The following RARB variants were observed in gnomAD, a reference collection of about 807,000 sequenced individuals.
RARB encodes retinoic acid receptor beta.
RARB carries 17 observed loss-of-function variants against 51.9 expected under a neutral mutation model. The observed-to-expected ratio is 0.33, with a 90% confidence interval of 0.22 to 0.49. The LOEUF (loss-of-function observed/expected upper bound fraction) is 0.49. Ranked by LOEUF, RARB falls within the 20% of genes least tolerant of loss-of-function variation. The pLI is 0.99. For missense variants in RARB, 369 were observed against 550.8 expected (o/e 0.67, Z 3.30); for synonymous variants, 215 against 195.4 (o/e 1.10, Z -0.84).
chr3:24,847,796 G>T (rs1477053150), intron 1 of RARB, among the ~76,000 whole-genome samples: 1 of 152,192 alleles, frequency 6.6e-6, no homozygotes, highest in East Asian at 1.9e-4. Flanking sequence ...GGTTGGAGCT[G>T]CAGAGTCTGC....
At chr3:25,500,454 GTTTTTTTTTTTTTTT>G (rs753321842) in intron 2 of RARB, among the ~76,000 whole-genome samples, 6 of 66,142 alleles carry the variant, frequency 9.1e-5, no homozygotes, top group South Asian at 6.9e-4. Flanking sequence ...TTCTTTTCTT[GTTTTTTTTTTTTTTT>G]TTTTTTTTTT....
chr3:25,288,001 C>T (rs1332709560), intron 5 of RARB, among the ~76,000 whole-genome samples: 1 of 151,958 alleles, frequency 6.6e-6, no homozygotes, highest in Non-Finnish European at 1.5e-5. Context: ...TTCCACAAAG[C>T]TGGTAGATTT....
At chr3:25,346,896 T>C (rs774478621) in intron 5 of RARB, among the ~76,000 whole-genome samples, 4 of 152,138 alleles carry the variant, frequency 2.6e-5, no homozygotes, top group Non-Finnish European at 5.9e-5. Context: ...GTGAGCAAAA[T>C]TGATATTAGG....
At chr3:25,330,301 C>T (rs1406340393) in intron 5 of RARB, among the ~76,000 whole-genome samples, 1 of 152,224 alleles carries the variant, frequency 6.6e-6, no homozygotes, top group African/African-American at 2.4e-5. Context: ...GCCCATCAGA[C>T]TAACAGCGGA....
At chr3:25,342,216 C>T (rs1705249645) in intron 5 of RARB, among the ~76,000 whole-genome samples, 1 of 152,152 alleles carries the variant, frequency 6.6e-6, no homozygotes, top group Non-Finnish European at 1.5e-5. Flanking sequence ...CATTTCAGTT[C>T]AAGAAAGTGA....
chr3:25,381,882 T>C (rs1418741015), intron 5 of RARB, among the ~76,000 whole-genome samples: 2 of 152,186 alleles, frequency 1.3e-5, no homozygotes, highest in African/African-American at 4.8e-5. Flanking sequence ...GAACTACCAC[T>C]GTGGTGTGGA....
chr3:25,546,342 G>A (rs1051916323), intron 3 of RARB, among the ~76,000 whole-genome samples: 2 of 152,140 alleles, frequency 1.3e-5, no homozygotes, highest in East Asian at 1.9e-4. Flanking sequence ...CTGCTCCGTC[G>A]AGCACAGACT....
intron 5 of RARB, among the ~76,000 whole-genome samples, chr3:25,362,836 G>C (rs1705991163): frequency 6.6e-6 from 1 of 152,276 alleles, no homozygotes; most frequent in Admixed American, 6.5e-5. Flanking sequence ...GATGAACCAG[G>C]TACCTCAGTT....
chr3:25,240,946 C>G (rs746307764), intron 5 of RARB, among the ~76,000 whole-genome samples: 1 of 152,066 alleles, frequency 6.6e-6, no homozygotes, highest in African/African-American at 2.4e-5. Context: ...GACAATGAAG[C>G]CATTTGGCCC....
chr3:24,928,164 G>C (rs17015482), intron 2 of RARB, among the ~76,000 whole-genome samples: 5,834 of 152,018 alleles, frequency 0.038, 222 homozygotes, highest in East Asian at 0.18. Flanking sequence ...TTGGAAGTCA[G>C]CAGGTATAAA....
At chr3:25,036,681 G>A (rs1020190121) in intron 2 of RARB, among the ~76,000 whole-genome samples, 4 of 152,138 alleles carry the variant, frequency 2.6e-5, no homozygotes, top group Non-Finnish European at 4.4e-5. Context: ...TGAGTGTGGT[G>A]CCAACAATCT....
At chr3:25,170,783 T>C (rs1489907576) in intron 4 of RARB, among the ~76,000 whole-genome samples, 1 of 152,134 alleles carries the variant, frequency 6.6e-6, no homozygotes, top group African/African-American at 2.4e-5. Flanking sequence ...AGAAAAATTA[T>C]ATACATATGT....
intron 5 of RARB, chr3:25,260,072 G>T (rs1702959852): frequency 1.2e-6 from 1 of 837,674 alleles, no homozygotes; most frequent in South Asian, 5.5e-5. Context: ...GGTTTTCTTG[G>T]GCACAAGGCC....
intron 2 of RARB, among the ~76,000 whole-genome samples, chr3:25,496,324 C>T (rs776172404): frequency 3.3e-5 from 5 of 152,164 alleles, no homozygotes; most frequent in African/African-American, 9.7e-5. Flanking sequence ...CTGACCGTTG[C>T]CTTGGGTCTT....
intron 2 of RARB, among the ~76,000 whole-genome samples, chr3:24,885,149 C>A (rs1053876521): frequency 6.6e-6 from 1 of 152,036 alleles, no homozygotes; most frequent in South Asian, 2.1e-4. Flanking sequence ...AAGAGAGTGA[C>A]ATTAATGATT....
intron 5 of RARB, among the ~76,000 whole-genome samples, chr3:25,358,902 C>T (rs949010511): frequency 2.0e-5 from 3 of 150,880 alleles, no homozygotes; most frequent in Non-Finnish European, 2.9e-5. Context: ...TGAGGATTTT[C>T]GCATTGATGT....
intron 5 of RARB, among the ~76,000 whole-genome samples, chr3:25,241,640 T>A (rs935551583): frequency 1.3e-5 from 2 of 152,256 alleles, no homozygotes; most frequent in Non-Finnish European, 2.9e-5. Flanking sequence ...GCAAAGGACA[T>A]GAACTCATTC....
At chr3:25,274,291 C>A (rs1428013782) in intron 5 of RARB, among the ~76,000 whole-genome samples, 1 of 152,122 alleles carries the variant, frequency 6.6e-6, no homozygotes, top group Admixed American at 6.5e-5. Context: ...ACTAACAACA[C>A]CTCTCAATTT....
chr3:24,829,480 C>G (rs1306973404), intron 1 of RARB, among the ~76,000 whole-genome samples: 1 of 152,144 alleles, frequency 6.6e-6, no homozygotes, highest in Non-Finnish European at 1.5e-5. Context: ...CCCGGAGCCC[C>G]AAGCTGGGTC....
Sources: gnomAD v4.1 joint callset for allele counts (sites outside exome capture counted in the v4.1 genomes callset) on GRCh38, gnomAD v4.1.1 for gene constraint, MANE v1.5 for transcripts, NCBI Gene and HGNC (gene_info 2026-07-23, HGNC 2026-07-21) for gene names.